Variants in BAAT observed in about 807,000 individuals in gnomAD.
BAAT encodes bile acid CoA: amino acid N-acyltransferase (glycine N-choloyltransferase).
BAAT carries 13 observed loss-of-function variants against 18.9 expected under a neutral mutation model. The ratio of observed to expected loss-of-function variants is 0.69; its 90% confidence interval spans 0.45 to 1.10. The LOEUF is 1.10. Ranked by LOEUF, BAAT falls within the 50% of genes least tolerant of loss-of-function variation. The pLI is 0.00. For missense variants in BAAT, 489 were observed against 504.0 expected, an observed-to-expected ratio of 0.97 and a Z score of 0.28; for synonymous variants, 170 against 190.7, an observed-to-expected ratio of 0.89 and a Z score of 0.89.
chr9:101,382,887 AT>A (rs1830154318), intron 1 of BAAT, among the ~76,000 whole-genome samples: 1 of 152,188 alleles, frequency 6.6e-6, no homozygotes, highest in South Asian at 2.1e-4. Flanking sequence ...TTTTTTTGGT[AT>A]TTTTTAACAT....
rs1393939523 is a variant in BAAT at position 101,377,154 on chromosome 9, TTAA to T, written c.-59-5694_-59-5692del. On this transcript the variant is annotated intron_variant, in intron 1 of 3. Coordinates refer to ENST00000259407, the MANE Select transcript of BAAT (RefSeq NM_001701.4). ...TTTTGAACAAGATTTTTGGATAGTA[TTAA>T]TGAGAGATAATAAAATTTTTGTTTA... 2.0e-5 allele frequency among the ~76,000 whole-genome samples: 3 copies of T among 152,300 alleles called. No homozygotes were observed. The East Asian group carries it at 5.8e-4, about 29-fold the overall frequency.
At chr9:101,371,511 G>A (rs1829945456) in intron 1 of BAAT, 48 bp from the exon 2 acceptor site, 1 of 1,141,576 alleles carries the variant, frequency 8.8e-7, no homozygotes, top group Non-Finnish European at 1.3e-6. Context: ...AGAGATAAGG[G>A]TTGATGAAAG....
chr9:101,364,958 G>A (rs758528425), intron 3 of BAAT, among the ~76,000 whole-genome samples: 1 of 152,162 alleles, frequency 6.6e-6, no homozygotes, highest in Non-Finnish European at 1.5e-5. Context: ...AATGGAGGCA[G>A]AAAAGCCACA....
At chr9:101,373,221 T>C (rs1015124995) in intron 1 of BAAT, among the ~76,000 whole-genome samples, 1 of 152,134 alleles carries the variant, frequency 6.6e-6, no homozygotes, top group Non-Finnish European at 1.5e-5. Flanking sequence ...GGACCAAATA[T>C]AAGCATGCAT....
At chr9:101,364,753 T>G (rs888301283) in intron 3 of BAAT, among the ~76,000 whole-genome samples, 15 of 152,216 alleles carry the variant, frequency 9.9e-5, no homozygotes, top group African/African-American at 3.6e-4. Context: ...ATCTTCAGTT[T>G]TTTTCCTAAC....
intron 3 of BAAT, among the ~76,000 whole-genome samples, chr9:101,367,755 G>C (rs1829855975): frequency 6.6e-6 from 1 of 152,104 alleles, no homozygotes; most frequent in Non-Finnish European, 1.5e-5. Flanking sequence ...CAGAGTGCTA[G>C]AATTACAGGC....
chr9:101,360,953 C>T lies in BAAT; in HGVS notation c.*1475G>A, dbSNP rs10120345. 27,605 of 160,522 alleles carry T rather than the reference C, an allele frequency of 0.17. 2,789 individuals are homozygous for T. The highest frequency in any genetic ancestry group is 0.27 in the African/African-American group (11,363 of 41,820). 9.9% of individuals were successfully genotyped at this position (160,522 alleles called of 1,614,324 possible). A position where few individuals can be genotyped will look rare whatever the true frequency, so the allele number is the denominator to read the frequency against. Reference sequence around the variant, plus strand: ...ATGTAAGAAAACATTTCTTGGTGCACAAGAAGGATAAAAATGCAAATGTAT... The same window carrying T: ...ATGTAAGAAAACATTTCTTGGTGCATAAGAAGGATAAAAATGCAAATGTAT... On this transcript the variant is annotated 3_prime_UTR_variant, in exon 4 of 4. Transcript: ENST00000259407.
chr9:101,384,128 T>C (rs959775544), intron 1 of BAAT, among the ~76,000 whole-genome samples: 18 of 152,170 alleles, frequency 1.2e-4, no homozygotes, highest in African/African-American at 4.3e-4. Context: ...TAAAGGAAAC[T>C]TAAATTCAAC....
chr9:101,370,892 T>C, intron 2 of BAAT, 47 bp downstream of exon 2: 2 of 1,585,422 alleles, frequency 1.3e-6, no homozygotes, highest in Admixed American at 1.7e-5. Flanking sequence ...ATAATGTATT[T>C]AAAGTGGAAA....
Position 101,361,879 on chromosome 9 carries a change from A to G in BAAT, c.*549T>C, listed in dbSNP as rs1308134852. 4 of 159,006 alleles carry G rather than the reference A, an allele frequency of 2.5e-5. No homozygotes were observed. The East Asian group carries it at 7.4e-4, about 29-fold the overall frequency. 9.8% of individuals were successfully genotyped at this position (159,006 alleles called of 1,614,324 possible). A position where few individuals can be genotyped will look rare whatever the true frequency, so the allele number is the denominator to read the frequency against. The stretch of plus-strand genomic sequence containing the variant: ...GCATGTTTTTAAGAACTGAAGAGGT[A>G]ATTTATTGCAATGAACTAACTGACC... On this transcript the variant is annotated 3_prime_UTR_variant, in exon 4 of 4. Transcript: ENST00000259407.
In BAAT at chr9:101,362,323, C is replaced by T; in HGVS notation, c.*105G>A. ...CTCTTTTTAATCATTAAAATTAATA[C>T]AAAATGTGTGTGTGGCAGCTGGGGG... On this transcript the variant is annotated 3_prime_UTR_variant, in exon 4 of 4. Coordinates refer to ENST00000259407, the MANE Select transcript of BAAT (RefSeq NM_001701.4). 1 of 1,200,736 alleles carries T rather than the reference C, an allele frequency of 8.3e-7. No homozygotes were observed. Among genetic ancestry groups the T allele is most frequent in the Non-Finnish European group, 1.2e-6 (1 of 839,310 alleles). 74.4% of individuals were successfully genotyped at this position (1,200,736 alleles called of 1,614,324 possible).
chr9:101,371,721 T>C (rs1829948943), intron 1 of BAAT, among the ~76,000 whole-genome samples: 1 of 152,172 alleles, frequency 6.6e-6, no homozygotes. Context: ...GCATGAATGG[T>C]ATCAATACAT....
chr9:101,381,622 T>C (rs1030260728), intron 1 of BAAT, among the ~76,000 whole-genome samples: 6 of 152,094 alleles, frequency 3.9e-5, no homozygotes, highest in South Asian at 4.1e-4. Flanking sequence ...CAGAAACACA[T>C]TGTCAAAAAA....
At chr9:101,381,501 A>G (rs189065950) in intron 1 of BAAT, among the ~76,000 whole-genome samples, 39 of 152,248 alleles carry the variant, frequency 2.6e-4, no homozygotes, top group African/African-American at 8.7e-4. Flanking sequence ...GAAAGAGCTG[A>G]CTCCACCTTG....
chr9:101,371,593 A>G, intron 1 of BAAT, 130 bp from the exon 2 acceptor site: 1 of 656,118 alleles, frequency 1.5e-6, no homozygotes, highest in South Asian at 1.8e-5. Context: ...ACTTCCTGAT[A>G]TAGTCTTCTA....
chr9:101,367,201 T>C (rs540162235), intron 3 of BAAT, among the ~76,000 whole-genome samples: 4 of 151,168 alleles, frequency 2.6e-5, no homozygotes, highest in Non-Finnish European at 5.9e-5. Context: ...TCCCATATCA[T>C]AGTAGCAAAG....
In BAAT at chr9:101,362,269, T is replaced by A; in HGVS notation, c.*159A>T. 4 of 737,256 alleles carry A rather than the reference T, an allele frequency of 5.4e-6. No homozygotes were observed. In the South Asian group the frequency reaches 7.1e-5, roughly 13 times the overall value. 45.7% of individuals were successfully genotyped at this position (737,256 alleles called of 1,614,324 possible). ...AGTTTGGTTAGCTTGTTATGCAGTA[T>A]AAGTGAAATATCAGGTTTTTACCCT... is the stretch of plus-strand genomic sequence containing the variant. On this transcript the variant is annotated 3_prime_UTR_variant, in exon 4 of 4. Coordinates refer to ENST00000259407, the MANE Select transcript of BAAT (RefSeq NM_001701.4).
chr9:101,371,421 C>G lies in BAAT; in HGVS notation c.-17G>C. The G allele has an allele frequency of 6.3e-7, 1 of 1,598,544 alleles. No homozygotes were observed. Among genetic ancestry groups the G allele is most frequent in the East Asian group, 2.2e-5 (1 of 44,752 alleles). Reference sequence around the variant, plus strand: ...CTGGATCATTTTTTTAGTGTGGCACCTGGGATGATTCTTCAGGAATATCTT... The same window carrying G: ...CTGGATCATTTTTTTAGTGTGGCACGTGGGATGATTCTTCAGGAATATCTT... On this transcript the variant is annotated 5_prime_UTR_variant, in exon 2 of 4. Coordinates refer to ENST00000259407, the MANE Select transcript of BAAT (RefSeq NM_001701.4).
chr9:101,379,690 T>C (rs1197607135), intron 1 of BAAT, among the ~76,000 whole-genome samples: 1 of 152,228 alleles, frequency 6.6e-6, no homozygotes, highest in East Asian at 1.9e-4. Flanking sequence ...ATTACTTGCC[T>C]ACAATTTGGA....
Sources: allele counts gnomAD v4.1 joint callset (sites outside exome capture counted in the v4.1 genomes callset), GRCh38; gene constraint gnomAD v4.1.1; transcripts MANE v1.5; gene names NCBI Gene and HGNC (gene_info 2026-07-23, HGNC 2026-07-21).